The following RAB3C variants were observed in gnomAD, a reference collection of about 807,000 sequenced individuals.
RAB3C encodes ras-related protein Rab-3C.
In RAB3C, 17 loss-of-function variants were observed where a neutral mutation model predicts 26.4. That is an observed-to-expected ratio of 0.64 (90% CI 0.44 to 0.97). The LOEUF (loss-of-function observed/expected upper bound fraction) is 0.97, where lower values mean the gene tolerates loss of function less well. RAB3C is among the 50% of genes least tolerant of loss of function. The probability of loss-of-function intolerance (pLI) is 0.00; values close to 1 mark genes in which losing one functional copy is unlikely to be tolerated. For missense variants in RAB3C, 242 were observed against 281.9 expected, an observed-to-expected ratio of 0.86 and a Z score of 1.01; for synonymous variants, 91 against 95.9, an observed-to-expected ratio of 0.95 and a Z score of 0.30.
At chr5:58,615,940 T>A (rs1739453298) in intron 1 of RAB3C, among the ~76,000 whole-genome samples, 2 of 151,768 alleles carry the variant, frequency 1.3e-5, no homozygotes, top group South Asian at 4.1e-4. Flanking sequence ...TTTCCCTTTT[T>A]CCTTTTTCCT....
intron 2 of RAB3C, among the ~76,000 whole-genome samples, chr5:58,723,572 G>A (rs1413525301): frequency 1.3e-5 from 2 of 151,784 alleles, no homozygotes; most frequent in South Asian, 2.1e-4. Flanking sequence ...GCAATCTTTA[G>A]TTTCACACTG....
In RAB3C at chr5:58,615,985, G is replaced by C. The variant is rs868549932; in HGVS notation, c.25-1658G>C. Among the ~76,000 whole-genome samples, 10 of 149,652 alleles carry C rather than the reference G, an allele frequency of 6.7e-5. No individual in the cohort carries two copies. The East Asian group carries it at 8.0e-4, about 12-fold the overall frequency. On this transcript the variant is annotated intron_variant, in intron 1 of 4. Transcript: ENST00000282878. ...GTAAACATACGTGTACACACACACA[G>C]ACACACACACACACACACACACACA... is the stretch of plus-strand genomic sequence containing the variant.
At chr5:58,836,786 T>C (rs1386858928) in intron 4 of RAB3C, among the ~76,000 whole-genome samples, 1 of 152,220 alleles carries the variant, frequency 6.6e-6, no homozygotes, top group Non-Finnish European at 1.5e-5. Flanking sequence ...CATCTGTTTT[T>C]GGACACTTAG....
At chr5:58,683,459 C>T (rs1748386844) in intron 2 of RAB3C, among the ~76,000 whole-genome samples, 1 of 152,108 alleles carries the variant, frequency 6.6e-6, no homozygotes, top group Non-Finnish European at 1.5e-5. Context: ...TATCTGCATA[C>T]AGGCACATGA....
chr5:58,795,011 G>C (rs1742612777), intron 3 of RAB3C, among the ~76,000 whole-genome samples: 1 of 152,160 alleles, frequency 6.6e-6, no homozygotes, highest in Non-Finnish European at 1.5e-5. Context: ...TTGAATCGTA[G>C]TTCCCATAAC....
chr5:58,673,888 A>G (rs2111828622), intron 2 of RAB3C, among the ~76,000 whole-genome samples: 1 of 152,336 alleles, frequency 6.6e-6, no homozygotes, highest in East Asian at 1.9e-4. Flanking sequence ...AAATGTAGAT[A>G]CTTTGTCCAG....
chr5:58,762,570 G>A (rs917340980), intron 3 of RAB3C, among the ~76,000 whole-genome samples: 10 of 152,134 alleles, frequency 6.6e-5, no homozygotes, highest in Admixed American at 3.3e-4. Flanking sequence ...GCTGGTGCCT[G>A]TAATCCCAGC....
chr5:58,691,208 A>G (rs975909697), intron 2 of RAB3C, among the ~76,000 whole-genome samples: 1 of 152,178 alleles, frequency 6.6e-6, no homozygotes, highest in Non-Finnish European at 1.5e-5. Context: ...TACTAAAAGT[A>G]CAGATTCCCA....
At chr5:58,740,108 G>A (rs1579891338) in intron 3 of RAB3C, among the ~76,000 whole-genome samples, 1 of 152,162 alleles carries the variant, frequency 6.6e-6, no homozygotes, top group African/African-American at 2.4e-5. Flanking sequence ...TGGTTGTTGG[G>A]CCAGCCATGC....
At chr5:58,726,604 G>A (rs529122716) in intron 3 of RAB3C, among the ~76,000 whole-genome samples, 139 of 151,786 alleles carry the variant, frequency 9.2e-4, no homozygotes, top group East Asian at 5.1e-3. Flanking sequence ...CCATATTGCC[G>A]GTAAAGCCTA....
At chr5:58,833,903 T>C (rs1400257999) in intron 4 of RAB3C, among the ~76,000 whole-genome samples, 2 of 152,160 alleles carry the variant, frequency 1.3e-5, no homozygotes, top group Non-Finnish European at 2.9e-5. Context: ...GGAGGCTCTT[T>C]AGGAAGAAAA....
chr5:58,693,922 AT>A (rs927187928), intron 2 of RAB3C, among the ~76,000 whole-genome samples: 13 of 151,656 alleles, frequency 8.6e-5, no homozygotes, highest in East Asian at 5.8e-4. Context: ...CATCTGTTCA[AT>A]TTTTTTTTAA....
chr5:58,764,016 C>T (rs1035392), intron 3 of RAB3C, among the ~76,000 whole-genome samples: 50,302 of 151,964 alleles, frequency 0.33, 8,474 homozygotes, highest in South Asian at 0.43. Flanking sequence ...ATAAGGTTTA[C>T]TTTTAATTAT....
At chr5:58,684,276 A>G (rs992189263) in intron 2 of RAB3C, among the ~76,000 whole-genome samples, 3 of 152,232 alleles carry the variant, frequency 2.0e-5, no homozygotes, top group African/African-American at 7.2e-5. Flanking sequence ...ATTTTATACC[A>G]GGGACTTGAG....
chr5:58,740,413 CTGTG>C (rs1290039312), intron 3 of RAB3C, among the ~76,000 whole-genome samples: 1 of 152,224 alleles, frequency 6.6e-6, no homozygotes, highest in East Asian at 1.9e-4. Flanking sequence ...GGTCTCCATC[CTGTG>C]TTGGGAGCTC....
At chr5:58,725,196 T>G (rs963082504) in intron 2 of RAB3C, among the ~76,000 whole-genome samples, 1 of 151,898 alleles carries the variant, frequency 6.6e-6, no homozygotes, top group African/African-American at 2.4e-5. Flanking sequence ...ATATTTTTGC[T>G]GGCTACAGTA....
intron 3 of RAB3C, among the ~76,000 whole-genome samples, chr5:58,745,246 A>T (rs1741372665): frequency 6.6e-6 from 1 of 151,854 alleles, no homozygotes; most frequent in Admixed American, 6.6e-5. Context: ...AAATACAAAA[A>T]AATTAGCCGG....
At position 58,591,651 on chromosome 5, in the gene RAB3C, T is replaced by C. The variant is rs913052793; in HGVS notation, c.24+8419T>C. On this transcript the variant is annotated intron_variant, in intron 1 of 4. Coordinates refer to ENST00000282878, the MANE Select transcript of RAB3C (RefSeq NM_138453.4). Reference sequence around the variant, plus strand: ...CTTATATGTGTCTCTATATTTAAAGTGTGAATCTTGTGGTCAGTATAGAGT... The same window carrying C: ...CTTATATGTGTCTCTATATTTAAAGCGTGAATCTTGTGGTCAGTATAGAGT... 1.2e-4 allele frequency among the ~76,000 whole-genome samples: 18 copies of C among 149,584 alleles called. 1 individual carries two copies. Among genetic ancestry groups the C allele is most frequent in the Admixed American group, 1.0e-3 (15 of 14,998 alleles).
At chr5:58,636,447 T>C (rs1455101982) in intron 2 of RAB3C, among the ~76,000 whole-genome samples, 1 of 152,238 alleles carries the variant, frequency 6.6e-6, no homozygotes, top group Non-Finnish European at 1.5e-5. Flanking sequence ...TGTGGATGCC[T>C]CTTGATTAGC....
Sources: allele counts gnomAD v4.1 joint callset (sites outside exome capture counted in the v4.1 genomes callset), GRCh38; gene constraint gnomAD v4.1.1; transcripts MANE v1.5; gene names NCBI Gene and HGNC (gene_info 2026-07-23, HGNC 2026-07-21).